DNM2: variants seen among roughly 807,000 people sequenced by gnomAD.
DNM2 encodes dynamin 2.
Under a neutral mutation model 99.0 loss-of-function variants are expected in DNM2, and 15 were observed. That is an observed-to-expected ratio of 0.15 (90% CI 0.10 to 0.23). DNM2 has a LOEUF of 0.23. DNM2 is among the 10% of genes least tolerant of loss of function. The pLI is 1.00. For synonymous variants in DNM2, 525 were observed against 481.2 expected, an observed-to-expected ratio of 1.09 and a Z score of -1.19; for missense variants, 742 against 1,189.4, an observed-to-expected ratio of 0.62 and a Z score of 5.53.
Position 10,718,222 on chromosome 19 carries a change from G to T in DNM2, c.-21G>T. The T allele has an allele frequency of 6.9e-7, 1 of 1,452,914 alleles. No individual in the cohort carries two copies. The highest frequency in any genetic ancestry group is 1.5e-5 in the African/African-American group (1 of 67,754). The allele number at this position is 1,452,914 out of a possible 1,614,324, so 90.0% of individuals were successfully genotyped here. A position where few individuals can be genotyped will look rare whatever the true frequency, so the allele number is the denominator to read the frequency against. ...GGCGGGCGAGGAGCGCAGGGCGCTCGGGCCGGGGGCCGCCGGCGCCATGGG... is the reference window on the plus strand; with the variant it reads ...GGCGGGCGAGGAGCGCAGGGCGCTCTGGCCGGGGGCCGCCGGCGCCATGGG... On this transcript the variant is annotated 5_prime_UTR_variant, in exon 1 of 21. Coordinates refer to ENST00000389253, the MANE Select transcript of DNM2 (RefSeq NM_001005361.3).
In DNM2 at chr19:10,782,324, G is replaced by A. The variant is rs140013680; in HGVS notation, c.689-636G>A. 2.9e-3 allele frequency among the ~76,000 whole-genome samples: 437 copies of A among 151,428 alleles called. 2 individuals carry two copies. Among genetic ancestry groups the A allele is most frequent in the African/African-American group, 9.9e-3 (409 of 41,224 alleles). ...GTTGGAATTACAGGCGTGAGCCACC[G>A]CACCTGGCCTTGAGATTTTTTTTCT... On this transcript the variant is annotated intron_variant, in intron 5 of 20. Transcript: ENST00000389253.
chr19:10,804,538 A>G (rs1307822691), intron 12 of DNM2, among the ~76,000 whole-genome samples: 2 of 152,060 alleles, frequency 1.3e-5, no homozygotes, highest in Non-Finnish European at 2.9e-5. Context: ...AAAAAATACA[A>G]AAATTAACTG....
Position 10,802,206 on chromosome 19 carries a change from G to A in DNM2, c.1423-82G>A, listed in dbSNP as rs1043236698. The A allele has an allele frequency of 8.0e-6, 12 of 1,497,626 alleles. No homozygotes were observed. In the Admixed American group the frequency reaches 1.7e-4, roughly 21 times the overall value. 92.8% of individuals were successfully genotyped at this position (1,497,626 alleles called of 1,614,324 possible). A position where few individuals can be genotyped will look rare whatever the true frequency, so the allele number is the denominator to read the frequency against. On this transcript the variant is annotated intron_variant, in intron 11 of 20. Transcript: ENST00000389253. ...CCTGGTTCCCACGCCTTCCCTGCTG[G>A]CAAGGCCAGGAAATGCTCTTGCCGC... is the stretch of plus-strand genomic sequence containing the variant.
rs1232136885 is a variant in DNM2 at position 10,811,878 on chromosome 19, C to A, written c.1558-386C>A. Reference sequence around the variant, plus strand: ...GGCTCACACCTTTGACCCTAGCCCTCTGTGTGGATGCTACCCTTGGAACCT... The same window carrying A: ...GGCTCACACCTTTGACCCTAGCCCTATGTGTGGATGCTACCCTTGGAACCT... On this transcript the variant is annotated intron_variant, in intron 14 of 20. Transcript: ENST00000389253. The surrounding 1 kb of genome is among the most constrained non-coding windows in gnomAD (Gnocchi z 5.4). 1 of 490,992 alleles carries A rather than the reference C, an allele frequency of 2.0e-6. No homozygotes were observed. The highest frequency in any genetic ancestry group is 1.9e-5 in the African/African-American group (1 of 51,290). 30.4% of individuals were successfully genotyped at this position (490,992 alleles called of 1,614,324 possible). A position where few individuals can be genotyped will look rare whatever the true frequency, so the allele number is the denominator to read the frequency against.
At chr19:10,723,380 GC>G (rs2069005779) in intron 1 of DNM2, among the ~76,000 whole-genome samples, 1 of 152,048 alleles carries the variant, frequency 6.6e-6, no homozygotes. Context: ...TGATCTGCCG[GC>G]CATGGCCTCC....
Position 10,732,299 on chromosome 19 carries a change from GAA to G in DNM2, c.161+13914_161+13915del, listed in dbSNP as rs1161253585. 9.8e-3 allele frequency among the ~76,000 whole-genome samples: 888 copies of G among 91,002 alleles called. 7 individuals are homozygous for G. The highest frequency in any genetic ancestry group is 0.033 in the African/African-American group (833 of 25,320). The allele number at this position is 91,002 out of a possible 152,430, so 59.7% of individuals were successfully genotyped here. A position where few individuals can be genotyped will look rare whatever the true frequency, so the allele number is the denominator to read the frequency against. On this transcript the variant is annotated intron_variant, in intron 1 of 20. Transcript: ENST00000389253. ...TATTCAACTGTTTACTCGTTGTGGA[GAA>G]AAAAAAAAAAAAAAAAACAGGCCGG...
intron 1 of DNM2, among the ~76,000 whole-genome samples, chr19:10,730,368 T>C (rs78651616): frequency 6.6e-6 from 1 of 152,070 alleles, no homozygotes; most frequent in Non-Finnish European, 1.5e-5. Flanking sequence ...CTTAGCTACT[T>C]GGAATCCCGA....
In DNM2 at chr19:10,812,876, C is replaced by T. The variant is rs1425443387; in HGVS notation, c.1671+499C>T. 5.9e-5 allele frequency among the ~76,000 whole-genome samples: 9 copies of T among 152,204 alleles called. No homozygotes were observed. The highest frequency in any genetic ancestry group is 1.3e-4 in the Non-Finnish European group (9 of 68,030). On this transcript the variant is annotated intron_variant, in intron 15 of 20. Transcript: ENST00000389253. The surrounding 1 kb of genome is among the most constrained non-coding windows in gnomAD (Gnocchi z 4.0). ...CCAAAAGGCTTACATTGTACCTGGCCCCCATGGGACCAGCTCCTAGAGTGC... is the reference window on the plus strand; with the variant it reads ...CCAAAAGGCTTACATTGTACCTGGCTCCCATGGGACCAGCTCCTAGAGTGC...
At position 10,718,107 on chromosome 19, in the gene DNM2, G is replaced by A. The variant is rs2068814024; in HGVS notation, c.-136G>A. 8.5e-6 allele frequency: 9 copies of A among 1,064,000 alleles called. No individual in the cohort carries two copies. Among genetic ancestry groups the A allele is most frequent in the Non-Finnish European group, 9.6e-6 (8 of 830,878 alleles). The allele number at this position is 1,064,000 out of a possible 1,614,324, so 65.9% of individuals were successfully genotyped here. A position where few individuals can be genotyped will look rare whatever the true frequency, so the allele number is the denominator to read the frequency against. ...AACCGGATGAGGCGGCGACCGTGAG[G>A]CCGAGCCGGGAGCGGGCGTCTTGCC... is the stretch of plus-strand genomic sequence containing the variant. On this transcript the variant is annotated 5_prime_UTR_variant, in exon 1 of 21. Transcript: ENST00000389253.
chr19:10,732,964 A>G (rs1170090630), intron 1 of DNM2, among the ~76,000 whole-genome samples: 1 of 151,694 alleles, frequency 6.6e-6, no homozygotes, highest in African/African-American at 2.4e-5. Context: ...GCTCACTGCA[A>G]GCTCCGCCTC....
chr19:10,800,708 G>A (rs542605413), intron 11 of DNM2, among the ~76,000 whole-genome samples: 19 of 152,362 alleles, frequency 1.2e-4, no homozygotes, highest in South Asian at 8.3e-4. Flanking sequence ...GCATCCCAGC[G>A]CCTCCTCCCC....
chr19:10,767,755 A>G (rs1478236069), intron 2 of DNM2, among the ~76,000 whole-genome samples: 3 of 152,164 alleles, frequency 2.0e-5, no homozygotes, highest in Non-Finnish European at 4.4e-5. Context: ...AAAATATACA[A>G]ATTAGCCAGG....
chr19:10,788,001 G>A (rs2071623601), intron 7 of DNM2, among the ~76,000 whole-genome samples: 1 of 151,992 alleles, frequency 6.6e-6, no homozygotes, highest in South Asian at 2.1e-4. Context: ...GGAGGCCGAG[G>A]CGGGAGGATC....
Position 10,737,311 on chromosome 19 carries a change from C to T in DNM2, c.161+18908C>T, listed in dbSNP as rs148477953. Among the ~76,000 whole-genome samples the T allele has an allele frequency of 3.3e-3, 506 of 152,212 alleles. 1 individual carries two copies. The highest frequency in any genetic ancestry group is 5.7e-3 in the Non-Finnish European group (387 of 68,016). ...TGCACTGCCCTTCCCCCAGATAACC[C>T]TGTGGCTCATTTCATCAGCATTCTA... On this transcript the variant is annotated intron_variant, in intron 1 of 20. Coordinates refer to ENST00000389253, the MANE Select transcript of DNM2 (RefSeq NM_001005361.3).
chr19:10,803,343 GA>G (rs970201143), intron 12 of DNM2, among the ~76,000 whole-genome samples: 4 of 152,178 alleles, frequency 2.6e-5, no homozygotes, highest in Non-Finnish European at 4.4e-5. Flanking sequence ...TAGGTGAGGA[GA>G]AGGGAGGAAG....
chr19:10,756,625 C>T (rs1049680190), intron 1 of DNM2, among the ~76,000 whole-genome samples: 1 of 152,142 alleles, frequency 6.6e-6, no homozygotes, highest in Middle Eastern at 3.2e-3. Flanking sequence ...AGACAGGTAG[C>T]ATCCCAGGCC....
rs1286319025 is a variant in DNM2 at position 10,796,599 on chromosome 19, G to A, written c.1197-781G>A. On this transcript the variant is annotated intron_variant, in intron 9 of 20. Transcript: ENST00000389253. The surrounding 1 kb of genome is among the most constrained non-coding windows in gnomAD (Gnocchi z 5.6). ...TGTCACCCCTTCTTGACCAATGCCC[G>A]GCATTCTCAGACTTCCCTGGAGCCA... 6.6e-6 allele frequency among the ~76,000 whole-genome samples: 1 copy of A among 152,056 alleles called. No individual in the cohort carries two copies. The highest frequency in any genetic ancestry group is 2.1e-4 in the South Asian group (1 of 4,818).
At position 10,795,461 on chromosome 19, in the gene DNM2, A is replaced by C; in HGVS notation, c.1196+22A>C. 1 of 1,613,812 alleles carries C rather than the reference A, an allele frequency of 6.2e-7. No homozygotes were observed. Among genetic ancestry groups the C allele is most frequent in the South Asian group, 1.1e-5 (1 of 91,080 alleles). Reference sequence around the variant, plus strand: ...TCAGGCAAGTTCCACGAGGAGAGTCACCACTGTTCCTTCCTCTCCGTGGTG... The same window carrying C: ...TCAGGCAAGTTCCACGAGGAGAGTCCCCACTGTTCCTTCCTCTCCGTGGTG... On this transcript the variant is annotated intron_variant, in intron 9 of 20. Transcript: ENST00000389253. The surrounding 1 kb of genome is among the most constrained non-coding windows in gnomAD (Gnocchi z 4.2).
In DNM2 at chr19:10,776,653, G is replaced by C. The variant is rs557339469; in HGVS notation, c.590-465G>C. On this transcript the variant is annotated intron_variant, in intron 4 of 20. Coordinates refer to ENST00000389253, the MANE Select transcript of DNM2 (RefSeq NM_001005361.3). ...CCTTGACTCTGGAATGACTTGTGGA[G>C]AGGTGGAATTGGATGGGATGGTTTC... 9.1e-4 allele frequency among the ~76,000 whole-genome samples: 139 copies of C among 152,360 alleles called. 1 individual carries two copies. Among genetic ancestry groups the C allele is most frequent in the African/African-American group, 3.3e-3 (136 of 41,586 alleles).
Sources: gnomAD v4.1 joint callset for allele counts (sites outside exome capture counted in the v4.1 genomes callset) on GRCh38, gnomAD v4.1.1 for gene constraint, Gnocchi (gnomAD v3.1) non-coding constraint, MANE v1.5 for transcripts, NCBI Gene and HGNC (gene_info 2026-07-23, HGNC 2026-07-21) for gene names.